The following ANPEP variants were observed in gnomAD, a reference collection of about 807,000 sequenced individuals.
ANPEP encodes the protein aminopeptidase N.
Under a neutral mutation model 114.6 loss-of-function variants are expected in ANPEP, and 70 were observed. The ratio of observed to expected loss-of-function variants is 0.61; its 90% CI spans 0.50 to 0.75. The LOEUF is 0.75. Ranked by LOEUF, ANPEP falls within the 30% of genes least tolerant of loss-of-function variation. The pLI, the probability that ANPEP is intolerant of heterozygous loss-of-function variation, is 0.00. For synonymous variants in ANPEP, 548 were observed against 522.3 expected, an observed-to-expected ratio of 1.05 and a Z score of -0.67; for missense variants, 1,184 against 1,259.5, an observed-to-expected ratio of 0.94 and a Z score of 0.91.
Position 89,803,166 on chromosome 15 carries a change from G to A in ANPEP, c.1569+73C>T, listed in dbSNP as rs1596167797. ...GAGCTGGACCCATTCTCTTACGCAT[G>A]TGCTGCCCCCAGGTACCTTCAGCAT... On this transcript the variant is annotated intron_variant, in intron 10 of 20. Transcript: ENST00000300060. This position sits in a 1 kb window ranked among gnomAD's most constrained non-coding sequence, Gnocchi z 4.2. The A allele has an allele frequency of 1.3e-6, 2 of 1,518,906 alleles. No individual in the cohort carries two copies. Among genetic ancestry groups the A allele is most frequent in the Non-Finnish European group, 1.8e-6 (2 of 1,093,724 alleles). 94.1% of individuals were successfully genotyped at this position (1,518,906 alleles called of 1,614,324 possible).
intron 20 of ANPEP, among the ~76,000 whole-genome samples, chr15:89,788,663 C>G (rs1297129314): frequency 6.6e-6 from 1 of 152,086 alleles, no homozygotes; most frequent in Non-Finnish European, 1.5e-5. Context: ...TGCGGTGGCA[C>G]CACCTCCGCT....
chr15:89,789,440 T>A (rs1053469130), intron 20 of ANPEP, among the ~76,000 whole-genome samples: 2 of 152,122 alleles, frequency 1.3e-5, no homozygotes, highest in African/African-American at 4.8e-5. Flanking sequence ...AGATAATCAT[T>A]TTCCTGGGTT....
intron 17 of ANPEP, 55 bp from the exon 18 acceptor site, chr15:89,792,382 G>T: frequency 1.9e-6 from 3 of 1,612,762 alleles, no homozygotes; most frequent in South Asian, 2.2e-5. Context: ...GGTGGGACAG[G>T]GTTCTGCTGA....
chr15:89,795,784 A>G (rs28404753), intron 15 of ANPEP, among the ~76,000 whole-genome samples: 64,549 of 152,104 alleles, frequency 0.42, 16,772 homozygotes, highest in African/African-American at 0.74. Context: ...TGGAAGATGT[A>G]TTCCCCTATG....
At chr15:89,801,318 G>T in intron 11 of ANPEP, 117 bp downstream of exon 11, 1 of 1,540,218 alleles carries the variant, frequency 6.5e-7, no homozygotes, top group East Asian at 2.3e-5. Flanking sequence ...TCTGGAGGGA[G>T]GGTCTGTCTA....
rs921767445 is a variant in ANPEP, at chr15:89,790,879, T to C, written c.2669+74A>G. ...TTCTGGTTAGTGCCCCCGGCGTGTC[T>C]TACCCGCACAGGCCACCCCCCGGGG... On this transcript the variant is annotated intron_variant, in intron 19 of 20. Coordinates refer to ENST00000300060, the MANE Select transcript of ANPEP (RefSeq NM_001150.3). 17 of 1,560,630 alleles carry C rather than the reference T, an allele frequency of 1.1e-5. No homozygotes were observed. In the Admixed American group the frequency reaches 3.1e-4, roughly 29 times the overall value.
chr15:89,791,729 A>G (rs570016772), intron 18 of ANPEP, among the ~76,000 whole-genome samples: 14 of 151,926 alleles, frequency 9.2e-5, no homozygotes, highest in African/African-American at 3.4e-4. Flanking sequence ...CTGGGATTAC[A>G]GGTATGAGCC....
At chr15:89,813,370 G>A (rs1440022258) in intron 1 of ANPEP, among the ~76,000 whole-genome samples, 5 of 152,206 alleles carry the variant, frequency 3.3e-5, no homozygotes, top group Admixed American at 6.5e-5. Flanking sequence ...TGTAAGGAGC[G>A]CCAGCGTGTA....
intron 1 of ANPEP, among the ~76,000 whole-genome samples, chr15:89,810,207 G>A (rs1194913719): frequency 7.2e-5 from 11 of 151,958 alleles, no homozygotes; most frequent in African/African-American, 2.4e-4. Flanking sequence ...GTGAAACCTC[G>A]TCTCTAATAA....
chr15:89,797,629 G>A lies in ANPEP; in HGVS notation c.2103C>T (p.Ser701=). The A allele has an allele frequency of 6.2e-7, 1 of 1,614,134 alleles. No homozygotes were observed. Among genetic ancestry groups the A allele is most frequent in the Non-Finnish European group, 8.5e-7 (1 of 1,180,028 alleles). The part of the protein sequence containing the change: ...QYMPWEAALS[S]LSYFKLMFDR... ...CAAACATGAGCTTGAAGTAGCTCAG[G>A]CTGCTCAGGGCGGCCTCCCAGGGCA... Residue 701 remains serine (S), a synonymous_variant, in exon 15 of 21, where the codon AGC becomes AGT. Transcript: ENST00000300060.
chr15:89,789,975 C>G (rs8043481), intron 20 of ANPEP, among the ~76,000 whole-genome samples: 57,276 of 149,752 alleles, frequency 0.38, 11,370 homozygotes, highest in African/African-American at 0.46. Context: ...AGGAGAATGA[C>G]GTGAACCCGG....
chr15:89,794,575 T>C (rs1034938602), intron 15 of ANPEP, among the ~76,000 whole-genome samples: 1 of 151,964 alleles, frequency 6.6e-6, no homozygotes, highest in East Asian at 1.9e-4. Flanking sequence ...AACAGGAAGA[T>C]GAAGTCAAAG....
intron 18 of ANPEP, 42 bp downstream of exon 18, chr15:89,792,118 G>C: frequency 1.3e-6 from 2 of 1,586,692 alleles, no homozygotes; most frequent in South Asian, 1.1e-5. Flanking sequence ...TTCTCCAGGT[G>C]GGGAGAGGGC....
In ANPEP at chr15:89,803,611, C is replaced by T. The variant is rs41276912; in HGVS notation, c.1437+36G>A. On this transcript the variant is annotated intron_variant, in intron 8 of 20. Transcript: ENST00000300060. The surrounding 1 kb of genome is among the most constrained non-coding windows in gnomAD (Gnocchi z 4.2). ...GAGGCCCCTCCAGGCCAAGTCCCCA[C>T]CTCCTTCCCCGTGCCCCACGAGGAG... The T allele has an allele frequency of 9.0e-3, 14,391 of 1,603,718 alleles. 77 individuals are homozygous for T. The highest frequency in any genetic ancestry group is 0.011 in the Non-Finnish European group (13,006 of 1,174,306).
intron 1 of ANPEP, among the ~76,000 whole-genome samples, chr15:89,809,956 C>T (rs927168675): frequency 2.6e-5 from 4 of 152,182 alleles, no homozygotes; most frequent in Non-Finnish European, 5.9e-5. Flanking sequence ...CCTTTCCTCT[C>T]CCTCTTGTCA....
In ANPEP at chr15:89,785,290, C is replaced by T; in HGVS notation, c.*59G>A. ...AGGAATGGAGGCCCTGCACCAGCCG[C>T]TGGGATGGACACATGTGGGCACCTT... On this transcript the variant is annotated 3_prime_UTR_variant, in exon 21 of 21. Transcript: ENST00000300060. 1 of 1,602,800 alleles carries T rather than the reference C, an allele frequency of 6.2e-7. No individual in the cohort carries two copies. Among genetic ancestry groups the T allele is most frequent in the Non-Finnish European group, 8.5e-7 (1 of 1,171,404 alleles).
chr15:89,805,959 C>A lies in ANPEP; in HGVS notation c.614+11G>T. 6.4e-7 allele frequency: 1 copy of A among 1,574,688 alleles called. No homozygotes were observed. On this transcript the variant is annotated intron_variant, in intron 2 of 20. Coordinates refer to ENST00000300060, the MANE Select transcript of ANPEP (RefSeq NM_001150.3). ...GGATCCACCCCACCGGGCAGCCCAGCCGGAACTCACTTTCTGACATTGCCC... is the reference window on the plus strand; with the variant it reads ...GGATCCACCCCACCGGGCAGCCCAGACGGAACTCACTTTCTGACATTGCCC...
In ANPEP at chr15:89,806,398, G is replaced by A; in HGVS notation, c.186C>T (p.Ala62=). 1 of 1,614,160 alleles carries A rather than the reference G, an allele frequency of 6.2e-7. No individual in the cohort carries two copies. ...ACGCTTTACTTTGGTCCAAGGTGGTGGCCGAGGCGGGGTTGGTGGTGGCTG... is the reference window on the plus strand; with the variant it reads ...ACGCTTTACTTTGGTCCAAGGTGGTAGCCGAGGCGGGGTTGGTGGTGGCTG... ...SASATTNPAS[A]TTLDQSKAWN... The change falls in exon 2 of 21, where the codon GCC becomes GCT. Residue 62 remains alanine (A), a synonymous_variant. Transcript: ENST00000300060. This position sits in a 1 kb window ranked among gnomAD's most constrained non-coding sequence, Gnocchi z 5.7.
At chr15:89,809,963 G>A (rs1312039874) in intron 1 of ANPEP, among the ~76,000 whole-genome samples, 1 of 151,996 alleles carries the variant, frequency 6.6e-6, no homozygotes, top group Admixed American at 6.6e-5. Flanking sequence ...TCTCCCTCTT[G>A]TCAAACTCCT....
Sources: allele counts gnomAD v4.1 joint callset (sites outside exome capture counted in the v4.1 genomes callset), GRCh38; gene constraint gnomAD v4.1.1; non-coding constraint Gnocchi (gnomAD v3.1); transcripts MANE v1.5; gene names NCBI Gene and HGNC (gene_info 2026-07-23, HGNC 2026-07-21).